GRM6: variants seen among roughly 807,000 people sequenced by gnomAD.
GRM6 encodes the protein metabotropic glutamate receptor 6.
GRM6 carries 73 observed loss-of-function variants against 78.4 expected under a neutral mutation model. That is an observed-to-expected ratio of 0.93 (90% CI 0.77 to 1.13). The LOEUF is 1.13. Ranked by LOEUF, GRM6 falls within the 50% of genes most tolerant of loss-of-function variation. The pLI, the probability that GRM6 is intolerant of heterozygous loss-of-function variation, is 0.00. For synonymous variants in GRM6, 580 were observed against 555.0 expected, an observed-to-expected ratio of 1.05 and a Z score of -0.63; for missense variants, 1,251 against 1,256.4, an observed-to-expected ratio of 1.00 and a Z score of 0.07.
In GRM6 at chr5:178,980,291, C is replaced by T. The variant is rs2856351; in HGVS notation, c.*1366G>A. 0.99 allele frequency: 152,520 copies of T among 154,510 alleles called. 75,318 individuals are homozygous for T. The highest frequency in any genetic ancestry group is 1 in the East Asian group (5,182 of 5,182). 9.6% of individuals were successfully genotyped at this position (154,510 alleles called of 1,614,324 possible). On this transcript the variant is annotated 3_prime_UTR_variant, in exon 11 of 11. Coordinates refer to ENST00000517717, the MANE Select transcript of GRM6 (RefSeq NM_000843.4). The surrounding 1 kb of genome is among the most constrained non-coding windows in gnomAD (Gnocchi z 4.3). ...AAATTCTACTCCCAGGGACATAAAA[C>T]TCCATAACTTAAACCAAGCTTTTTG... is the stretch of plus-strand genomic sequence containing the variant.
intron 9 of GRM6, among the ~76,000 whole-genome samples, chr5:178,984,877 G>A (rs551292710): frequency 5.9e-5 from 9 of 152,208 alleles, no homozygotes; most frequent in African/African-American, 2.2e-4. Context: ...CCTCCACCTG[G>A]CCCTGAGAAC....
intron 9 of GRM6, among the ~76,000 whole-genome samples, chr5:178,984,017 C>A (rs947737522): frequency 6.6e-6 from 1 of 152,222 alleles, no homozygotes; most frequent in Non-Finnish European, 1.5e-5. Flanking sequence ...GGATGCTTTG[C>A]AGTCATCTGC....
Position 178,983,106 on chromosome 5 carries a change from G to A in GRM6, c.2240C>T (p.Ser747Leu), listed in dbSNP as rs759761288. ...QARGVLKCDM[S>L]DLSLIGCLGY... ...CAGGCAGCCGATGAGAGACAGATCC[G>A]ACATGTCGCACTTGAGCACCCCTCT... Residue 747 changes from serine to leucine, a missense_variant, in exon 10 of 11, where the codon TCG becomes TTG. Physicochemically the swap from Ser to Leu is moderately radical, Grantham distance 145 (BLOSUM62 -2). Coordinates refer to ENST00000517717, the MANE Select transcript of GRM6 (RefSeq NM_000843.4). 132 of 1,613,960 alleles carry A rather than the reference G, an allele frequency of 8.2e-5. No homozygotes were observed. The highest frequency in any genetic ancestry group is 8.7e-5 in the Non-Finnish European group (103 of 1,179,986).
rs776113326 is a variant in GRM6, at chr5:178,983,144, G to A, written c.2202C>T (p.Asp734=). ...VIDYEEQRTV[D]PEQARGVLKC... Reference sequence around the variant, plus strand: ...TGAGCACCCCTCTGGCCTGCTCGGGGTCCACCGTCCGCTGTTCCTCATAGT... The same window carrying A: ...TGAGCACCCCTCTGGCCTGCTCGGGATCCACCGTCCGCTGTTCCTCATAGT... Residue 734 remains aspartate, a synonymous_variant, in exon 10 of 11, where the codon GAC becomes GAT. Transcript: ENST00000517717. The A allele has an allele frequency of 3.7e-6, 6 of 1,613,946 alleles. No homozygotes were observed. The highest frequency in any genetic ancestry group is 2.2e-5 in the East Asian group (1 of 44,872).
chr5:178,991,966 C>T lies in GRM6; in HGVS notation c.622G>A (p.Val208Met), dbSNP rs776167510. ...SYQAQAMVDI[V>M]RALGWNYVST... Reference sequence around the variant, plus strand: ...ACATAGTTCCATCCCAGTGCCCTCACGATGTCCACCATGGCCTGCGCCTGG... The same window carrying T: ...ACATAGTTCCATCCCAGTGCCCTCATGATGTCCACCATGGCCTGCGCCTGG... Residue 208 changes from valine (V) to methionine (M), a missense_variant, in exon 3 of 11, where the codon GTG becomes ATG. Transcript: ENST00000517717. This position sits in a 1 kb window ranked among gnomAD's most constrained non-coding sequence, Gnocchi z 5.0. The T allele has an allele frequency of 5.4e-5, 87 of 1,614,046 alleles. No individual in the cohort carries two copies. Among genetic ancestry groups the T allele is most frequent in the South Asian group, 2.9e-4 (26 of 91,090 alleles).
chr5:178,994,327 G>T, intron 2 of GRM6, 114 bp downstream of exon 2: 2 of 902,168 alleles, frequency 2.2e-6, no homozygotes, highest in Non-Finnish European at 3.1e-6. Flanking sequence ...GTGTGAATTC[G>T]AGTGATTAAA....
Position 178,994,793 on chromosome 5 carries a change from C to A in GRM6, c.152G>T (p.Gly51Val), listed in dbSNP as rs1413749549. 1.5e-6 allele frequency: 2 copies of A among 1,316,780 alleles called. No individual in the cohort carries two copies. The highest frequency in any genetic ancestry group is 6.7e-5 in the East Asian group (2 of 29,668). The allele number at this position is 1,316,780 out of a possible 1,614,324, so 81.6% of individuals were successfully genotyped here. Residue 51 changes from glycine to valine, a missense_variant, in exon 2 of 11, where the codon GGC becomes GTC. Physicochemically the swap from Gly to Val is moderately radical, Grantham distance 109. Transcript: ENST00000517717. The part of the protein sequence containing the change: ...LGGLFPVHAR[G>V]AAGRACGQLK... ...CTGCCCGCACGCCCGGCCCGCCGCGCCCCGCGCGTGCACCGGGAACAGGCC... is the reference window on the plus strand; with the variant it reads ...CTGCCCGCACGCCCGGCCCGCCGCGACCCGCGCGTGCACCGGGAACAGGCC...
At position 178,986,083 on chromosome 5, in the gene GRM6, G is replaced by C; in HGVS notation, c.2124+47C>G. Reference sequence around the variant, plus strand: ...GGCCCTTTTGGCTTTGTAACGTTGCGGACAGTCCCCCTCCCTGCCCTGGCC... The same window carrying C: ...GGCCCTTTTGGCTTTGTAACGTTGCCGACAGTCCCCCTCCCTGCCCTGGCC... On this transcript the variant is annotated intron_variant, in intron 9 of 10. Transcript: ENST00000517717. The C allele has an allele frequency of 1.9e-6, 3 of 1,570,592 alleles. No homozygotes were observed. The South Asian group carries it at 3.5e-5, about 18-fold the overall frequency.
rs566176353 is a variant in GRM6, at chr5:178,985,639, C to T, written c.2124+491G>A. The T allele has an allele frequency of 3.0e-4, 113 of 375,004 alleles. 1 individual carries two copies. Among genetic ancestry groups the T allele is most frequent in the South Asian group, 2.2e-3 (109 of 50,662 alleles). 23.2% of individuals were successfully genotyped at this position (375,004 alleles called of 1,614,324 possible). On this transcript the variant is annotated intron_variant, in intron 9 of 10. Coordinates refer to ENST00000517717, the MANE Select transcript of GRM6 (RefSeq NM_000843.4). Reference sequence around the variant, plus strand: ...AATGGCGTGAACCCGGAAGGCAGAGCTTGCAGGGAGCTGAGATAGTGCCAC... The same window carrying T: ...AATGGCGTGAACCCGGAAGGCAGAGTTTGCAGGGAGCTGAGATAGTGCCAC...
At position 178,986,697 on chromosome 5, in the gene GRM6, G is replaced by C. The variant is rs372605108; in HGVS notation, c.1557C>G (p.Ser519Arg). The C allele has an allele frequency of 5.0e-6, 8 of 1,604,582 alleles. No individual in the cohort carries two copies. Among genetic ancestry groups the C allele is most frequent in the Admixed American group, 3.3e-5 (2 of 60,026 alleles). Residue 519 changes from serine to arginine, a missense_variant, in exon 9 of 11, where the codon AGC becomes AGG. Coordinates refer to ENST00000517717, the MANE Select transcript of GRM6 (RefSeq NM_000843.4). The stretch of plus-strand genomic sequence containing the variant: ...TCCGCTCCCCCGGCCCGCAGGGCAG[G>C]CTGCACAGAGACGAGGGCACCTCGT... ...DPHEVPSSLCSLPCGPGERKK... is the reference protein window; with the variant it reads ...DPHEVPSSLCRLPCGPGERKK...
chr5:178,983,213 C>G lies in GRM6; in HGVS notation c.2133G>C (p.Gly711=), dbSNP rs748082336. Residue 711 remains glycine, a synonymous_variant, in exon 10 of 11, where the codon GGG becomes GGC. Coordinates refer to ENST00000517717, the MANE Select transcript of GRM6 (RefSeq NM_000843.4). ...TFSLTSLQVV[G]MIAWLGARPP... ...GCCGGGCCCCCAGCCATGCTATCAT[C>G]CCCACCACCTGCAGGAGCCAACACT... 1 of 1,611,498 alleles carries G rather than the reference C, an allele frequency of 6.2e-7. No homozygotes were observed. The highest frequency in any genetic ancestry group is 8.5e-7 in the Non-Finnish European group (1 of 1,178,574).
Position 178,989,107 on chromosome 5 carries a change from G to A in GRM6, c.1182C>T (p.Thr394=), listed in dbSNP as rs374880243. Reference sequence around the variant, plus strand: ...ACTGCACCTTGCCCTCCTGCTCGTAGGTGGAGTCCCGGCCGATGCGTTCCT... The same window carrying A: ...ACTGCACCTTGCCCTCCTGCTCGTAAGTGGAGTCCCGGCCGATGCGTTCCT... The part of the protein sequence containing the change: ...TGEERIGRDS[T]YEQEGKVQFV... Residue 394 remains threonine (T), a synonymous_variant, in exon 7 of 11, where the codon ACC becomes ACT. Coordinates refer to ENST00000517717, the MANE Select transcript of GRM6 (RefSeq NM_000843.4). 2.5e-6 allele frequency: 4 copies of A among 1,613,976 alleles called. No individual in the cohort carries two copies. In the African/African-American group the frequency reaches 4.0e-5, roughly 16 times the overall value.
In GRM6 at chr5:178,994,872, C is replaced by CCGCCTGCGCCAGCCA; in HGVS notation, c.58_72dup (p.Trp20_Ala24dup). 1 of 1,205,032 alleles carries CCGCCTGCGCCAGCCA rather than the reference C, an allele frequency of 8.3e-7. No homozygotes were observed. Among genetic ancestry groups the CCGCCTGCGCCAGCCA allele is most frequent in the African/African-American group, 1.6e-5 (1 of 62,200 alleles). The allele number at this position is 1,205,032 out of a possible 1,614,324, so 74.6% of individuals were successfully genotyped here. ...ACAGAGCCCGCCGCGCGCGCCAGGCCCGCCTGCGCCAGCCACGCCAGCGGC... is the reference window on the plus strand; with the variant it reads ...ACAGAGCCCGCCGCGCGCGCCAGGCCCGCCTGCGCCAGCCACGCCTGCGCCAGCCACGCCAGCGGC... On this transcript the variant is annotated inframe_insertion, in exon 2 of 11. Coordinates refer to ENST00000517717, the MANE Select transcript of GRM6 (RefSeq NM_000843.4).
rs748064631 is a variant in GRM6, at chr5:178,991,457, C to T, written c.824G>A (p.Gly275Asp). The T allele has an allele frequency of 1.1e-5, 17 of 1,613,814 alleles. No individual in the cohort carries two copies. In the South Asian group the frequency reaches 1.3e-4, roughly 13 times the overall value. Residue 275 changes from glycine to aspartate, a missense_variant, in exon 4 of 11, where the codon GGC becomes GAC. Gly to Asp is a moderately conservative substitution (Grantham distance 94). Coordinates refer to ENST00000517717, the MANE Select transcript of GRM6 (RefSeq NM_000843.4). The surrounding 1 kb of genome is among the most constrained non-coding windows in gnomAD (Gnocchi z 5.0). ...RRLMETPNAR[G>D]IIIFANEDDI... is the part of the protein sequence containing the mutation. The stretch of plus-strand genomic sequence containing the variant: ...ATCCTCATTGGCAAAGATGATGATG[C>T]CCCGGGCGTTGGGCGTCTCCATGAG...
rs1401600160 is a variant in GRM6, at chr5:178,979,299, A to T, written c.*2358T>A. 6.6e-6 allele frequency: 1 copy of T among 152,230 alleles called. No homozygotes were observed. Among genetic ancestry groups the T allele is most frequent in the African/African-American group, 2.4e-5 (1 of 41,454 alleles). The allele number at this position is 152,230 out of a possible 1,614,324, so 9.4% of individuals were successfully genotyped here. On this transcript the variant is annotated 3_prime_UTR_variant, in exon 11 of 11. Coordinates refer to ENST00000517717, the MANE Select transcript of GRM6 (RefSeq NM_000843.4). ...AGGCAGAAACTGTATGCACACACCG[A>T]GTGTGGAAAAGCCCTCTTGTGGAAG...
At chr5:178,987,916 TG>T (rs1561718726) in intron 7 of GRM6, among the ~76,000 whole-genome samples, 2 of 1,538 alleles carry the variant, frequency 1.3e-3, no homozygotes, top group African/African-American at 1.3e-3. Context: ...CCCGTCGCCA[TG>T]CCCAGCTAAT....
rs1184978348 is a variant in GRM6 at position 178,994,701 on chromosome 5, C to T, written c.244G>A (p.Asp82Asn). ...CGCACGCCGGGCAGCAGCTCGGGGT[C>T]GGCGTTGACGCGGTCCAGCGCGTAC... is the stretch of plus-strand genomic sequence containing the variant. ...MLYALDRVNA[D>N]PELLPGVRLG... Residue 82 changes from aspartate (D) to asparagine (N), a missense_variant, in exon 2 of 11, where the codon GAC (aspartate) becomes AAC (asparagine). By Grantham distance (23) the Asp-to-Asn change is conservative (BLOSUM62 1). Transcript: ENST00000517717. 4 of 1,467,828 alleles carry T rather than the reference C, an allele frequency of 2.7e-6. No homozygotes were observed. The highest frequency in any genetic ancestry group is 3.6e-6 in the Non-Finnish European group (4 of 1,112,384). The allele number at this position is 1,467,828 out of a possible 1,614,324, so 90.9% of individuals were successfully genotyped here. A position where few individuals can be genotyped will look rare whatever the true frequency, so the allele number is the denominator to read the frequency against.
rs372559202 is a variant in GRM6 at position 178,992,147 on chromosome 5, AG to A, written c.505-65del. 19,024 of 1,095,294 alleles carry A rather than the reference AG, an allele frequency of 0.017. 254 individuals are homozygous for A. The highest frequency in any genetic ancestry group is 0.04 in the Middle Eastern group (205 of 5,110). 67.8% of individuals were successfully genotyped at this position (1,095,294 alleles called of 1,614,324 possible). ...TCAGTAACTCAAGAGAGGGAGGGTA[AG>A]GGGGGCCCAGGACACGGACGGGGCA... On this transcript the variant is annotated intron_variant, in intron 2 of 10. Transcript: ENST00000517717. This position sits in a 1 kb window ranked among gnomAD's most constrained non-coding sequence, Gnocchi z 4.9.
intron 5 of GRM6, 54 bp downstream of exon 5, chr5:178,990,538 G>A: frequency 7.1e-7 from 1 of 1,410,988 alleles, no homozygotes; most frequent in Non-Finnish European, 1.0e-6. Context: ...GCATCCCCAA[G>A]AGGGGGTGCT....
Sources: gnomAD v4.1 joint callset for allele counts (sites outside exome capture counted in the v4.1 genomes callset) on GRCh38, gnomAD v4.1.1 for gene constraint, Gnocchi (gnomAD v3.1) non-coding constraint, MANE v1.5 for transcripts, NCBI Gene and HGNC (gene_info 2026-07-23, HGNC 2026-07-21) for gene names.